Variants in MICU1 observed in about 807,000 individuals in gnomAD.
MICU1 encodes the protein mitochondrial calcium uptake 1.
In MICU1, 45 loss-of-function variants were observed where a neutral mutation model predicts 56.8. The observed-to-expected ratio is 0.79, with a 90% CI of 0.62 to 1.02. The LOEUF (loss-of-function observed/expected upper bound fraction) is 1.02. MICU1 is among the 50% of genes least tolerant of loss of function. The pLI is 0.00. For missense variants in MICU1, 504 were observed against 587.1 expected, an observed-to-expected ratio of 0.86 and a Z score of 1.46; for synonymous variants, 186 against 195.1, an observed-to-expected ratio of 0.95 and a Z score of 0.39.
chr10:72,594,386 C>T (rs1373018212), intron 1 of MICU1, among the ~76,000 whole-genome samples: 1 of 151,186 alleles, frequency 6.6e-6, no homozygotes, highest in Non-Finnish European at 1.5e-5. Context: ...CTTAACACCA[C>T]ATACAAAAAT....
intron 6 of MICU1, chr10:72,477,488 T>A (rs1462505241): frequency 6.7e-7 from 1 of 1,485,164 alleles, no homozygotes. Flanking sequence ...ACAGCACTTG[T>A]CTACCTTTTT....
chr10:72,613,524 A>G (rs1459515944), intron 1 of MICU1, among the ~76,000 whole-genome samples: 3 of 151,152 alleles, frequency 2.0e-5, no homozygotes, highest in Non-Finnish European at 4.4e-5. Flanking sequence ...CAGTCCTCCC[A>G]CCTCAGCTTC....
chr10:72,424,108 C>T (rs1469108779), intron 8 of MICU1, among the ~76,000 whole-genome samples: 1 of 123,592 alleles, frequency 8.1e-6, no homozygotes, highest in Non-Finnish European at 2.0e-5. Context: ...TAACAGTGAC[C>T]ATTTCCCCCC....
intron 8 of MICU1, among the ~76,000 whole-genome samples, chr10:72,451,082 T>G (rs1865284202): frequency 7.0e-6 from 1 of 142,866 alleles, no homozygotes; most frequent in Non-Finnish European, 1.5e-5. Flanking sequence ...TGGAATACAG[T>G]GTCATGATCT....
At chr10:72,594,160 G>A (rs1213660762) in intron 1 of MICU1, among the ~76,000 whole-genome samples, 1 of 152,148 alleles carries the variant, frequency 6.6e-6, no homozygotes, top group Non-Finnish European at 1.5e-5. Context: ...CTAGCAGAAG[G>A]GCAAACATAT....
intron 3 of MICU1, among the ~76,000 whole-genome samples, chr10:72,551,904 G>T (rs1441493151): frequency 6.6e-6 from 1 of 152,080 alleles, no homozygotes; most frequent in Non-Finnish European, 1.5e-5. Flanking sequence ...CAAAAGTGCT[G>T]GGATTACAGG....
chr10:72,526,850 C>CA (rs780465769), intron 5 of MICU1, among the ~76,000 whole-genome samples: 77 of 132,740 alleles, frequency 5.8e-4, no homozygotes, highest in Admixed American at 1.0e-3. Context: ...ACTGTTTGCT[C>CA]AAAAAAAAAC....
At chr10:72,614,488 G>A (rs1841931328) in intron 1 of MICU1, among the ~76,000 whole-genome samples, 1 of 152,204 alleles carries the variant, frequency 6.6e-6, no homozygotes, top group Non-Finnish European at 1.5e-5. Context: ...TCCACTGATG[G>A]ATGAATGGAT....
At chr10:72,604,271 C>CTT (rs869141348) in intron 1 of MICU1, among the ~76,000 whole-genome samples, 78 of 128,700 alleles carry the variant, frequency 6.1e-4, no homozygotes, top group Non-Finnish European at 7.5e-4. Context: ...CTTTCCTGCC[C>CTT]TTTTTTTTTT....
chr10:72,495,701 G>T (rs1178479511), intron 6 of MICU1, among the ~76,000 whole-genome samples: 1 of 138,116 alleles, frequency 7.2e-6, no homozygotes, highest in Non-Finnish European at 1.6e-5. Flanking sequence ...CCGTAATAAA[G>T]AAATTAGATT....
chr10:72,378,923 C>G (rs1164676106), intron 10 of MICU1, among the ~76,000 whole-genome samples: 1 of 152,084 alleles, frequency 6.6e-6, no homozygotes, highest in Non-Finnish European at 1.5e-5. Flanking sequence ...TGGAAATATC[C>G]CATCTTTTCT....
At chr10:72,422,308 A>C (rs1358475623) in intron 9 of MICU1, among the ~76,000 whole-genome samples, 2 of 152,196 alleles carry the variant, frequency 1.3e-5, no homozygotes, top group Non-Finnish European at 2.9e-5. Flanking sequence ...TCAGAAACCA[A>C]ATCAGCTGGC....
At chr10:72,515,357 T>C (rs2132366153) in intron 5 of MICU1, among the ~76,000 whole-genome samples, 1 of 152,336 alleles carries the variant, frequency 6.6e-6, no homozygotes, top group East Asian at 1.9e-4. Context: ...GGGATGTGGT[T>C]TTGGAGTTCC....
intron 1 of MICU1, among the ~76,000 whole-genome samples, chr10:72,594,817 G>A (rs1024060321): frequency 3.3e-5 from 5 of 151,138 alleles, no homozygotes; most frequent in African/African-American, 1.2e-4. Context: ...GGCTGAGGAA[G>A]GACGATCACT....
chr10:72,559,649 A>T (rs1173602439), intron 3 of MICU1, among the ~76,000 whole-genome samples: 1 of 152,152 alleles, frequency 6.6e-6, no homozygotes, highest in African/African-American at 2.4e-5. Context: ...AAATATTGAG[A>T]CCTCTACAAT....
intron 1 of MICU1, among the ~76,000 whole-genome samples, chr10:72,569,528 C>T (rs1444763739): frequency 6.6e-6 from 1 of 151,742 alleles, no homozygotes; most frequent in Non-Finnish European, 1.5e-5. Context: ...AGCCACCACA[C>T]CCGGCCTAAA....
rs755945543 is a variant in MICU1 at position 72,420,089 on chromosome 10, C to T, written c.1071+3145G>A. Among the ~76,000 whole-genome samples, 20 of 152,218 alleles carry T rather than the reference C, an allele frequency of 1.3e-4. No homozygotes were observed. The South Asian group carries it at 1.5e-3, about 11-fold the overall frequency. ...TTCCTTTTTTTTTAAGACGGAGTTT[C>T]GCTCTTGTTACCCAGGCTGGAGTGC... On this transcript the variant is annotated intron_variant, in intron 9 of 11. Coordinates refer to ENST00000361114, the MANE Select transcript of MICU1 (RefSeq NM_001195518.2).
rs535034458 is a variant in MICU1, at chr10:72,584,522, A to G, written c.-1-17728T>C. Among the ~76,000 whole-genome samples, 61 of 152,128 alleles carry G rather than the reference A, an allele frequency of 4.0e-4. 1 individual carries two copies. Among genetic ancestry groups the G allele is most frequent in the African/African-American group, 1.4e-3 (57 of 41,478 alleles). On this transcript the variant is annotated intron_variant, in intron 1 of 11. Coordinates refer to ENST00000361114, the MANE Select transcript of MICU1 (RefSeq NM_001195518.2). ...CCAATTTGATTTTCAAGTCTCGGAA[A>G]TTAAGTAGCTATAGAGCTTTAATAG... is the stretch of plus-strand genomic sequence containing the variant.
intron 8 of MICU1, among the ~76,000 whole-genome samples, chr10:72,438,187 C>A (rs1864797604): frequency 6.6e-6 from 1 of 152,040 alleles, no homozygotes; most frequent in South Asian, 2.1e-4. Context: ...ACAGAAATCA[C>A]AACAAACTGT....
Sources: allele counts gnomAD v4.1 joint callset (sites outside exome capture counted in the v4.1 genomes callset), GRCh38; gene constraint gnomAD v4.1.1; transcripts MANE v1.5; gene names NCBI Gene and HGNC (gene_info 2026-07-23, HGNC 2026-07-21).